The following EME2 variants were observed in gnomAD, a reference collection of about 807,000 sequenced individuals.
EME2 encodes essential meiotic structure-specific endonuclease subunit 2.
Under a neutral mutation model 41.9 loss-of-function variants are expected in EME2, and 58 were observed. The observed-to-expected ratio is 1.38, with a 90% CI of 1.12 to 1.72. The LOEUF is 1.72. Among genes scored for constraint, EME2 ranks in the 40% most tolerant of loss-of-function variants. The probability of loss-of-function intolerance (pLI) is 0.00; values close to 1 mark genes in which losing one functional copy is unlikely to be tolerated. For synonymous variants in EME2, 334 were observed against 239.3 expected (o/e 1.40, Z -3.65); for missense variants, 695 against 541.9 (o/e 1.28, Z -2.81).
At position 1,781,437 on chromosome 16, in the gene EME2, C is replaced by T. The variant is rs906386636; in HGVS notation, c.*5199C>T. On this transcript the variant is annotated 3_prime_UTR_variant, in exon 8 of 8. Coordinates refer to ENST00000568449, the MANE Select transcript of EME2 (RefSeq NM_001257370.2). ...GGCATCTGCGTCTCGGCGGGCTGCA[C>T]TCAGGACGAAGTGCCAGGCCCTGCT... 1 of 1,612,710 alleles carries T rather than the reference C, an allele frequency of 6.2e-7. No homozygotes were observed. The highest frequency in any genetic ancestry group is 1.3e-5 in the African/African-American group (1 of 74,920).
rs1428519431 is a variant in EME2 at position 1,773,269 on chromosome 16, G to T, written c.42G>T (p.Gln14His). The T allele has an allele frequency of 3.4e-6, 5 of 1,459,374 alleles. No individual in the cohort carries two copies. The highest frequency in any genetic ancestry group is 4.5e-6 in the Non-Finnish European group (5 of 1,114,950). 90.4% of individuals were successfully genotyped at this position (1,459,374 alleles called of 1,614,324 possible). ...VGPGRAGVSC[Q>H]GRGRGRGGSG... ...CCGGGAGGGCGGGGGTCTCTTGCCA[G>T]GGCCGGGGCCGGGGACGGGGCGGGA... The change falls in exon 1 of 8, where the codon CAG (glutamine) becomes CAT (histidine). Residue 14 changes from glutamine (Q) to histidine (H), a missense_variant. Transcript: ENST00000568449.
chr16:1,773,071 G>T lies in EME2; in HGVS notation c.-157G>T. 7.1e-7 allele frequency: 1 copy of T among 1,416,356 alleles called. No individual in the cohort carries two copies. The highest frequency in any genetic ancestry group is 9.2e-7 in the Non-Finnish European group (1 of 1,088,154). The allele number at this position is 1,416,356 out of a possible 1,614,324, so 87.7% of individuals were successfully genotyped here. A position where few individuals can be genotyped will look rare whatever the true frequency, so the allele number is the denominator to read the frequency against. Reference sequence around the variant, plus strand: ...AGTTGCTCCCGCAGGGCGCGCACGCGGCGGGCCAGCTCCGCGATCAGCCGC... The same window carrying T: ...AGTTGCTCCCGCAGGGCGCGCACGCTGCGGGCCAGCTCCGCGATCAGCCGC... On this transcript the variant is annotated 5_prime_UTR_variant, in exon 1 of 8. Transcript: ENST00000568449.
chr16:1,777,426 G>T lies in EME2; in HGVS notation c.*1188G>T. 6.5e-7 allele frequency: 1 copy of T among 1,531,666 alleles called. No homozygotes were observed. The highest frequency in any genetic ancestry group is 8.8e-7 in the Non-Finnish European group (1 of 1,141,408). The allele number at this position is 1,531,666 out of a possible 1,614,324, so 94.9% of individuals were successfully genotyped here. On this transcript the variant is annotated 3_prime_UTR_variant, in exon 8 of 8. Coordinates refer to ENST00000568449, the MANE Select transcript of EME2 (RefSeq NM_001257370.2). Reference sequence around the variant, plus strand: ...ATCGGGTAGAATCTCTTGTTCTGCAGCTTGGTGGCTGCCACACCTGGAAGG... The same window carrying T: ...ATCGGGTAGAATCTCTTGTTCTGCATCTTGGTGGCTGCCACACCTGGAAGG...
chr16:1,776,371 A>G lies in EME2; in HGVS notation c.*133A>G. ...TCTCTGGCTGAGCAGGTCTGACCTC[A>G]GGGGAAGGGTGGGTGGTTGCAGGGG... On this transcript the variant is annotated 3_prime_UTR_variant, in exon 8 of 8. Coordinates refer to ENST00000568449, the MANE Select transcript of EME2 (RefSeq NM_001257370.2). The G allele has an allele frequency of 1.5e-6, 1 of 663,490 alleles. No homozygotes were observed. Among genetic ancestry groups the G allele is most frequent in the Non-Finnish European group, 2.5e-6 (1 of 396,102 alleles). 41.1% of individuals were successfully genotyped at this position (663,490 alleles called of 1,614,324 possible).
intron 3 of EME2, 90 bp downstream of exon 3, chr16:1,774,442 A>G: frequency 9.2e-7 from 1 of 1,086,182 alleles, no homozygotes; most frequent in Non-Finnish European, 1.4e-6. Flanking sequence ...CTGCCCCTGT[A>G]GACGGGGCTG....
Position 1,779,501 on chromosome 16 carries a change from A to G in EME2, c.*3263A>G, listed in dbSNP as rs1048086035. ...CCAGCTTCCAGGTGAACGTGGACCT[A>G]TCGAAAGCCAGCTTCAGGGCAGGAC... On this transcript the variant is annotated 3_prime_UTR_variant, in exon 8 of 8. Transcript: ENST00000568449. The G allele has an allele frequency of 6.6e-5, 10 of 152,502 alleles. No individual in the cohort carries two copies. Among genetic ancestry groups the G allele is most frequent in the African/African-American group, 2.2e-4 (9 of 41,586 alleles). The allele number at this position is 152,502 out of a possible 1,614,324, so 9.4% of individuals were successfully genotyped here. A position where few individuals can be genotyped will look rare whatever the true frequency, so the allele number is the denominator to read the frequency against.
At position 1,775,779 on chromosome 16, in the gene EME2, G is replaced by T. The variant is rs1453587478; in HGVS notation, c.780-18G>T. ...AGCTGCTCACATGAGGTTCTAAAAG[G>T]CTTCTCTCTGTCCCCAGGCAGTACC... On this transcript the variant is annotated intron_variant, in intron 6 of 7. Transcript: ENST00000568449. 5 of 1,612,188 alleles carry T rather than the reference G, an allele frequency of 3.1e-6. No homozygotes were observed. Among genetic ancestry groups the T allele is most frequent in the Non-Finnish European group, 4.2e-6 (5 of 1,179,436 alleles).
Position 1,773,766 on chromosome 16 carries a change from G to C in EME2, c.309G>C (p.Glu103Asp). 1 of 1,551,152 alleles carries C rather than the reference G, an allele frequency of 6.4e-7. No individual in the cohort carries two copies. The highest frequency in any genetic ancestry group is 8.7e-7 in the Non-Finnish European group (1 of 1,148,692). The change falls in exon 2 of 8, where the codon GAG (glutamate) becomes GAC (aspartate). Residue 103 changes from glutamate (E) to aspartate (D), a missense_variant. Coordinates refer to ENST00000568449, the MANE Select transcript of EME2 (RefSeq NM_001257370.2). ...LMEALEALGC[E>D]CRIEPQRPAR... ...AGGCCCTGGAGGCCCTGGGCTGCGA[G>C]TGCCGCATCGAGCCCCAGCGCCCGG...
Position 1,776,905 on chromosome 16 carries a change from G to GCA in EME2, c.*670_*671dup. 1 of 661,902 alleles carries GCA rather than the reference G, an allele frequency of 1.5e-6. No individual in the cohort carries two copies. Among genetic ancestry groups the GCA allele is most frequent in the Admixed American group, 3.1e-5 (1 of 32,544 alleles). The allele number at this position is 661,902 out of a possible 1,614,324, so 41.0% of individuals were successfully genotyped here. A position where few individuals can be genotyped will look rare whatever the true frequency, so the allele number is the denominator to read the frequency against. On this transcript the variant is annotated 3_prime_UTR_variant, in exon 8 of 8. Coordinates refer to ENST00000568449, the MANE Select transcript of EME2 (RefSeq NM_001257370.2). ...CTCAGGGCAGCCGCTTCCCCACCCA[G>GCA]CACAGCAGCAGAGGGGCCCTAGAGC...
rs747178708 is a variant in EME2, at chr16:1,775,848, A to G, written c.831A>G (p.Ala277=). Residue 277 remains alanine, a synonymous_variant, in exon 7 of 8, where the codon GCA becomes GCG. Coordinates refer to ENST00000568449, the MANE Select transcript of EME2 (RefSeq NM_001257370.2). The part of the protein sequence containing the change: ...AFSFCTAGRW[A]AGEPVARDGA... ...CCTTCTGCACAGCAGGGCGCTGGGC[A>G]GCCGGCGAGCCAGTGGCAAGAGACG... 2 of 1,610,618 alleles carry G rather than the reference A, an allele frequency of 1.2e-6. No individual in the cohort carries two copies. The highest frequency in any genetic ancestry group is 1.7e-6 in the Non-Finnish European group (2 of 1,179,442).
chr16:1,778,665 A>G lies in EME2; in HGVS notation c.*2427A>G, dbSNP rs1209143341. The stretch of plus-strand genomic sequence containing the variant: ...CCTGTTGCCCGCTCTCTACCCTCTC[A>G]CCCTTGCCCTCTGTCCCTGTCCCAC... On this transcript the variant is annotated 3_prime_UTR_variant, in exon 8 of 8. Transcript: ENST00000568449. The G allele has an allele frequency of 6.7e-7, 1 of 1,501,928 alleles. No individual in the cohort carries two copies. The highest frequency in any genetic ancestry group is 8.9e-7 in the Non-Finnish European group (1 of 1,129,392). 93.0% of individuals were successfully genotyped at this position (1,501,928 alleles called of 1,614,324 possible).
Position 1,777,673 on chromosome 16 carries a change from C to T in EME2, c.*1435C>T. The stretch of plus-strand genomic sequence containing the variant: ...ACCCTTTCAGAAAACCTCAGTGTCC[C>T]CTGGGCTGGGGCGGGGTGGCTGCCT... On this transcript the variant is annotated 3_prime_UTR_variant, in exon 8 of 8. Coordinates refer to ENST00000568449, the MANE Select transcript of EME2 (RefSeq NM_001257370.2). 13 of 1,588,270 alleles carry T rather than the reference C, an allele frequency of 8.2e-6. No homozygotes were observed. Among genetic ancestry groups the T allele is most frequent in the South Asian group, 1.1e-5 (1 of 88,454 alleles).
rs778063601 is a variant in EME2 at position 1,775,563 on chromosome 16, C to T, written c.664-6C>T. Reference sequence around the variant, plus strand: ...GCTCGTGCCCATCAGCTTGCCTCCTCCCCAGGCCCTGGTACTCCTGCAGCT... The same window carrying T: ...GCTCGTGCCCATCAGCTTGCCTCCTTCCCAGGCCCTGGTACTCCTGCAGCT... On this transcript the variant is annotated splice_polypyrimidine_tract_variant and splice_region_variant and intron_variant, in intron 5 of 7. Transcript: ENST00000568449. 4 of 1,612,714 alleles carry T rather than the reference C, an allele frequency of 2.5e-6. 1 individual carries two copies. In the East Asian group the frequency reaches 8.9e-5, roughly 36 times the overall value.
intron 3 of EME2, among the ~76,000 whole-genome samples, chr16:1,774,604 G>A (rs1016353058): frequency 1.3e-5 from 2 of 152,266 alleles, no homozygotes; most frequent in African/African-American, 4.8e-5. Flanking sequence ...CCGGGCAGTA[G>A]GCTGCAGGCT....
chr16:1,777,324 A>C lies in EME2; in HGVS notation c.*1086A>C. ...CGCAGCTGGCGCAGGCGGTGGCAGC[A>C]CAGGTACTGGAGGGAAGTGGCGCTG... is the stretch of plus-strand genomic sequence containing the variant. On this transcript the variant is annotated 3_prime_UTR_variant, in exon 8 of 8. Coordinates refer to ENST00000568449, the MANE Select transcript of EME2 (RefSeq NM_001257370.2). The C allele has an allele frequency of 6.2e-7, 1 of 1,609,544 alleles. No individual in the cohort carries two copies. Among genetic ancestry groups the C allele is most frequent in the Non-Finnish European group, 8.5e-7 (1 of 1,179,602 alleles).
chr16:1,777,905 A>AGG lies in EME2; in HGVS notation c.*1668_*1669insGG, dbSNP rs1397245139. ...CAGCCAGGGTCGCAGTGAGCCCGGG[A>AGG]GCTCCAGGCTCGGCCCCGCCCCACC... On this transcript the variant is annotated 3_prime_UTR_variant, in exon 8 of 8. Transcript: ENST00000568449. 5 of 1,611,744 alleles carry AGG rather than the reference A, an allele frequency of 3.1e-6. No individual in the cohort carries two copies. The highest frequency in any genetic ancestry group is 4.2e-6 in the Non-Finnish European group (5 of 1,179,570).
At chr16:1,775,161 G>C (rs367849539) in intron 4 of EME2, 29 bp downstream of exon 4, 1 of 1,609,534 alleles carries the variant, frequency 6.2e-7, no homozygotes, top group East Asian at 2.2e-5. Context: ...CCCACAGCAG[G>C]GCTGGCTGGG....
rs1896655764 is a variant in EME2, at chr16:1,779,853, G to C, written c.*3615G>C. The stretch of plus-strand genomic sequence containing the variant: ...ACGAGCCTGTGAGGCTCAGGCATGT[G>C]ACCTGCAGGAGCTGGAGGCGGGCGG... On this transcript the variant is annotated 3_prime_UTR_variant, in exon 8 of 8. Coordinates refer to ENST00000568449, the MANE Select transcript of EME2 (RefSeq NM_001257370.2). 1.3e-5 allele frequency: 2 copies of C among 152,014 alleles called. No homozygotes were observed. The highest frequency in any genetic ancestry group is 2.9e-5 in the Non-Finnish European group (2 of 67,984). 9.4% of individuals were successfully genotyped at this position (152,014 alleles called of 1,614,324 possible).
rs1034962952 is a variant in EME2 at position 1,776,979 on chromosome 16, C to G, written c.*741C>G. ...CCTCGGGAGCAAGAGATGGCTCCCT[C>G]CGGACGGGCCTCATCCAACTCCGCC... On this transcript the variant is annotated 3_prime_UTR_variant, in exon 8 of 8. Transcript: ENST00000568449. The G allele has an allele frequency of 1.7e-6, 2 of 1,200,164 alleles. No individual in the cohort carries two copies. The highest frequency in any genetic ancestry group is 1.5e-5 in the African/African-American group (1 of 65,808). The allele number at this position is 1,200,164 out of a possible 1,614,324, so 74.3% of individuals were successfully genotyped here.
Sources: allele counts gnomAD v4.1 joint callset (sites outside exome capture counted in the v4.1 genomes callset), GRCh38; gene constraint gnomAD v4.1.1; transcripts MANE v1.5; gene names NCBI Gene and HGNC (gene_info 2026-07-23, HGNC 2026-07-21).